DYNC2H1: variants seen among roughly 807,000 people sequenced by gnomAD.
The protein encoded by DYNC2H1 is cytoplasmic dynein 2 heavy chain 1.
DYNC2H1 carries 410 observed loss-of-function variants against 570.0 expected under a neutral mutation model. The observed-to-expected ratio is 0.72, with a 90% CI of 0.66 to 0.78. The LOEUF (loss-of-function observed/expected upper bound fraction) is 0.78. DYNC2H1 is among the 30% of genes least tolerant of loss of function. The pLI is 0.00. For synonymous variants in DYNC2H1, 1,688 were observed against 1,677.6 expected (o/e 1.01, Z -0.15); for missense variants, 4,865 against 5,046.4 (o/e 0.96, Z 1.09).
rs1591352248 is a variant in DYNC2H1, at chr11:103,169,017, A to T, written c.4968+57A>T. ...ATTAGAAATTATTTACTGTAAAGAA[A>T]ATTTGTTATTGGTAGAAATACTTTT... On this transcript the variant is annotated intron_variant, in intron 32 of 88. Coordinates refer to ENST00000375735, the MANE Select transcript of DYNC2H1 (RefSeq NM_001377.3). 28 of 1,418,002 alleles carry T rather than the reference A, an allele frequency of 2.0e-5. No individual in the cohort carries two copies. In the East Asian group the frequency reaches 7.2e-4, roughly 36 times the overall value. 87.8% of individuals were successfully genotyped at this position (1,418,002 alleles called of 1,614,324 possible).
rs928027894 is a variant in DYNC2H1, at chr11:103,436,190, C to A, written c.12456+158C>A. The stretch of plus-strand genomic sequence containing the variant: ...TGCCATTTGTTATTTTTGTATAGCA[C>A]TGTTCTATTTTTTTTTTTTTTTTAC... On this transcript the variant is annotated intron_variant, in intron 85 of 88. Coordinates refer to ENST00000375735, the MANE Select transcript of DYNC2H1 (RefSeq NM_001377.3). Among the ~76,000 whole-genome samples, 5 of 108,666 alleles carry A rather than the reference C, an allele frequency of 4.6e-5. No individual in the cohort carries two copies. The South Asian group carries it at 1.9e-3, about 40-fold the overall frequency. 71.3% of individuals were successfully genotyped at this position (108,666 alleles called of 152,430 possible). A position where few individuals can be genotyped will look rare whatever the true frequency, so the allele number is the denominator to read the frequency against.
intron 57 of DYNC2H1, 110 bp downstream of exon 57, chr11:103,220,893 A>G: frequency 9.9e-7 from 1 of 1,013,772 alleles, no homozygotes; most frequent in Non-Finnish European, 1.4e-6. Flanking sequence ...ATCTAAATAC[A>G]TGGGTGTACA....
intron 82 of DYNC2H1, among the ~76,000 whole-genome samples, chr11:103,352,746 C>G (rs1196880107): frequency 6.6e-6 from 1 of 152,136 alleles, no homozygotes; most frequent in Non-Finnish European, 1.5e-5. Context: ...GTGGCGATTC[C>G]TCAAAGATCT....
At chr11:103,347,421 T>C (rs959491476) in intron 82 of DYNC2H1, among the ~76,000 whole-genome samples, 4 of 144,546 alleles carry the variant, frequency 2.8e-5, no homozygotes, top group Non-Finnish European at 4.6e-5. Context: ...TTATAGTAGT[T>C]ATATCATTTT....
Position 103,134,539 on chromosome 11 carries a change from CTAATA to C in DYNC2H1, c.2205+123_2205+127del, listed in dbSNP as rs149703939. ...ATCTTTAAATCTTACTAATAAATAC[CTAATA>C]TATTTATAATTTTTGACTGAATTAT... On this transcript the variant is annotated intron_variant, in intron 15 of 88. Transcript: ENST00000375735. 0.024 allele frequency: 12,857 copies of C among 534,288 alleles called. 254 individuals carry two copies. The highest frequency in any genetic ancestry group is 0.03 in the Non-Finnish European group (10,126 of 334,616). 33.1% of individuals were successfully genotyped at this position (534,288 alleles called of 1,614,324 possible). A position where few individuals can be genotyped will look rare whatever the true frequency, so the allele number is the denominator to read the frequency against.
In DYNC2H1 at chr11:103,305,304, A is replaced by T. The variant is rs1867233669; in HGVS notation, c.11382+584A>T. ...AAAGTCAAATAGGATTTTGCTAAGT[A>T]TAGGCAAAGAAAGGATATCATGATT... On this transcript the variant is annotated intron_variant, in intron 77 of 88. Transcript: ENST00000375735. This position sits in a 1 kb window ranked among gnomAD's most constrained non-coding sequence, Gnocchi z 4.3. 6.6e-6 allele frequency among the ~76,000 whole-genome samples: 1 copy of T among 152,164 alleles called. No individual in the cohort carries two copies. The highest frequency in any genetic ancestry group is 2.4e-5 in the African/African-American group (1 of 41,440).
chr11:103,295,735 G>A (rs927375161), intron 75 of DYNC2H1, among the ~76,000 whole-genome samples: 2 of 152,156 alleles, frequency 1.3e-5, no homozygotes, highest in African/African-American at 4.8e-5. Context: ...TCTGAGTTAT[G>A]CACCTGTCAC....
chr11:103,194,845 G>C, intron 47 of DYNC2H1, among the ~76,000 whole-genome samples: 1 of 151,928 alleles, frequency 6.6e-6, no homozygotes, highest in East Asian at 1.9e-4. Context: ...AGCCTCCCGA[G>C]TAGCTGGGAT....
chr11:103,255,143 A>T (rs1005396838), intron 66 of DYNC2H1, among the ~76,000 whole-genome samples: 2 of 152,172 alleles, frequency 1.3e-5, no homozygotes, highest in African/African-American at 4.8e-5. Context: ...TTTAATTTAA[A>T]ACTAAATATT....
At chr11:103,436,074 GA>G in intron 85 of DYNC2H1, 42 bp downstream of exon 85, 4 of 1,562,526 alleles carry the variant, frequency 2.6e-6, no homozygotes, top group Non-Finnish European at 3.5e-6. Flanking sequence ...CTGACTGTGT[GA>G]CTATTGTATT....
chr11:103,307,521 C>T (rs904390606), intron 77 of DYNC2H1, among the ~76,000 whole-genome samples, 200 bp from the exon 78 acceptor site: 8 of 152,036 alleles, frequency 5.3e-5, no homozygotes, highest in African/African-American at 1.9e-4. Flanking sequence ...GTCAACATGA[C>T]TTTAGATGGA....
At chr11:103,478,874 T>C (rs1945652406) in intron 88 of DYNC2H1, among the ~76,000 whole-genome samples, 1 of 152,174 alleles carries the variant, frequency 6.6e-6, no homozygotes, top group African/African-American at 2.4e-5. Context: ...AATTGTAAGG[T>C]GCTGTTCAAA....
chr11:103,391,581 T>C (rs1374614773), intron 83 of DYNC2H1, among the ~76,000 whole-genome samples: 9 of 152,252 alleles, frequency 5.9e-5, no homozygotes, highest in Non-Finnish European at 1.2e-4. Flanking sequence ...CTCTGATTTT[T>C]AGAATTTTCA....
intron 81 of DYNC2H1, among the ~76,000 whole-genome samples, chr11:103,322,163 C>G (rs544057967): frequency 1.3e-5 from 2 of 152,152 alleles, no homozygotes; most frequent in African/African-American, 2.4e-5. Context: ...AGTGATAGTG[C>G]TGTTCTAGGT....
At chr11:103,283,700 A>C (rs1445871706) in intron 73 of DYNC2H1, among the ~76,000 whole-genome samples, 2 of 152,196 alleles carry the variant, frequency 1.3e-5, no homozygotes, top group African/African-American at 4.8e-5. Flanking sequence ...ATTAAGGCAC[A>C]TAGAGATATA....
chr11:103,378,212 C>A (rs568601913), intron 83 of DYNC2H1, among the ~76,000 whole-genome samples: 6 of 152,292 alleles, frequency 3.9e-5, no homozygotes, highest in Non-Finnish European at 8.8e-5. Flanking sequence ...TACTCTCTCC[C>A]AAATCCCTTC....
chr11:103,312,702 G>A (rs11225693), intron 79 of DYNC2H1, among the ~76,000 whole-genome samples: 34,103 of 151,708 alleles, frequency 0.22, 3,972 homozygotes, highest in Admixed American at 0.32. Flanking sequence ...ACTACTTCAC[G>A]TCTCATTGTA....
chr11:103,317,971 T>G (rs1366821864), intron 80 of DYNC2H1, among the ~76,000 whole-genome samples: 1 of 152,170 alleles, frequency 6.6e-6, no homozygotes, highest in African/African-American at 2.4e-5. Flanking sequence ...ACTGTGTATA[T>G]CCTTGAGGTT....
At chr11:103,390,354 A>C (rs1296063734) in intron 83 of DYNC2H1, among the ~76,000 whole-genome samples, 2 of 149,548 alleles carry the variant, frequency 1.3e-5, no homozygotes, top group African/African-American at 5.0e-5. Flanking sequence ...TGCTTGATAG[A>C]TTTTCCTCCA....
Sources: gnomAD v4.1 joint callset for allele counts (sites outside exome capture counted in the v4.1 genomes callset) on GRCh38, gnomAD v4.1.1 for gene constraint, Gnocchi (gnomAD v3.1) non-coding constraint, MANE v1.5 for transcripts, NCBI Gene and HGNC (gene_info 2026-07-23, HGNC 2026-07-21) for gene names.